The following HTR4 variants were observed in gnomAD, a reference collection of about 807,000 sequenced individuals.
HTR4 encodes 5-hydroxytryptamine (serotonin) receptor 4, G protein-coupled.
In HTR4, 16 loss-of-function variants were observed where a neutral mutation model predicts 36.8. The ratio of observed to expected loss-of-function variants is 0.43; its 90% confidence interval spans 0.29 to 0.66. HTR4 has a LOEUF of 0.66. Ranked by LOEUF, HTR4 falls within the 30% of genes least tolerant of loss-of-function variation. The pLI, the probability that HTR4 is intolerant of heterozygous loss-of-function variation, is 0.13. For missense variants in HTR4, 438 were observed against 490.9 expected (o/e 0.89, Z 1.02); for synonymous variants, 189 against 185.1 (o/e 1.02, Z -0.17).
At chr5:148,606,108 T>G (rs1752151930) in intron 2 of HTR4, among the ~76,000 whole-genome samples, 1 of 152,192 alleles carries the variant, frequency 6.6e-6, no homozygotes, top group Non-Finnish European at 1.5e-5. Context: ...ACTAACAGAT[T>G]AATTTGGAAT....
intron 2 of HTR4, among the ~76,000 whole-genome samples, chr5:148,565,836 G>A (rs2113873096): frequency 6.6e-6 from 1 of 152,260 alleles, no homozygotes; most frequent in South Asian, 2.1e-4. Flanking sequence ...CTGGTTACTA[G>A]TCATCTCTAG....
intron 4 of HTR4, among the ~76,000 whole-genome samples, chr5:148,540,446 A>G (rs1349327059): frequency 9.3e-6 from 1 of 107,556 alleles, no homozygotes; most frequent in Non-Finnish European, 2.0e-5. Context: ...ATATATATAT[A>G]TAATCTTATA....
chr5:148,653,636 A>C (rs1300459766), intron 1 of HTR4, among the ~76,000 whole-genome samples: 1 of 150,666 alleles, frequency 6.6e-6, no homozygotes, highest in East Asian at 2.0e-4. Flanking sequence ...CACACAGCAC[A>C]CTCTGGGCTG....
intron 2 of HTR4, among the ~76,000 whole-genome samples, chr5:148,593,336 T>C (rs1445389033): frequency 6.6e-6 from 1 of 152,162 alleles, no homozygotes. Context: ...TCAATGACAG[T>C]AGTATAAATT....
intron 2 of HTR4, among the ~76,000 whole-genome samples, chr5:148,632,306 T>C (rs990333127): frequency 2.6e-5 from 4 of 152,180 alleles, no homozygotes; most frequent in Admixed American, 2.6e-4. Flanking sequence ...GGGCGGAAAA[T>C]GCTACCATTT....
chr5:148,493,486 T>A (rs1296181332), intron 6 of HTR4, among the ~76,000 whole-genome samples: 1 of 152,228 alleles, frequency 6.6e-6, no homozygotes, highest in Non-Finnish European at 1.5e-5. Context: ...TTTATTTACA[T>A]TCGAAGTTGG....
intron 1 of HTR4, among the ~76,000 whole-genome samples, chr5:148,648,316 T>C (rs970912749): frequency 3.3e-5 from 5 of 151,552 alleles, no homozygotes; most frequent in Non-Finnish European, 7.4e-5. Context: ...AATCTGTGAG[T>C]TAGAGTCGTG....
chr5:148,502,199 C>A (rs772899731), intron 6 of HTR4, among the ~76,000 whole-genome samples: 10 of 152,214 alleles, frequency 6.6e-5, no homozygotes, highest in Non-Finnish European at 1.3e-4. Flanking sequence ...AGACTGCCTC[C>A]TCAAGTGGGT....
At chr5:148,607,396 C>T (rs960022984) in intron 2 of HTR4, among the ~76,000 whole-genome samples, 1 of 152,172 alleles carries the variant, frequency 6.6e-6, no homozygotes, top group Non-Finnish European at 1.5e-5. Context: ...ATTCGGGCAG[C>T]AGTGATGCAT....
chr5:148,481,535 C>CTT, downstream of HTR4: 5 of 1,427,854 alleles, frequency 3.5e-6, no homozygotes, highest in Non-Finnish European at 4.7e-6. Flanking sequence ...GACAGAGAGG[C>CTT]TTTTTTTTTT....
chr5:148,464,337 C>G (rs1341099162), intron 5 of HTR4, among the ~76,000 whole-genome samples: 1 of 152,040 alleles, frequency 6.6e-6, no homozygotes, highest in African/African-American at 2.4e-5. Context: ...AAAGACATAC[C>G]TGATACCAAA....
intron 2 of HTR4, among the ~76,000 whole-genome samples, chr5:148,607,791 C>G (rs908479572): frequency 6.6e-6 from 1 of 152,150 alleles, no homozygotes; most frequent in African/African-American, 2.4e-5. Context: ...ATAGTTGGAG[C>G]CTAAAACATA....
At chr5:148,651,738 CAAT>C (rs1363028107) in intron 1 of HTR4, among the ~76,000 whole-genome samples, 1 of 147,180 alleles carries the variant, frequency 6.8e-6, no homozygotes, top group African/African-American at 2.7e-5. Flanking sequence ...TAAAAATATT[CAAT>C]AATAATATTG....
chr5:148,576,697 C>T (rs1014333149), intron 2 of HTR4, among the ~76,000 whole-genome samples: 3 of 152,058 alleles, frequency 2.0e-5, no homozygotes, highest in African/African-American at 7.2e-5. Context: ...TTTGACAAAG[C>T]TGACAAAAAT....
chr5:148,513,044 C>T (rs937535243), intron 5 of HTR4, among the ~76,000 whole-genome samples: 1 of 151,766 alleles, frequency 6.6e-6, no homozygotes, highest in Non-Finnish European at 1.5e-5. Flanking sequence ...GTCACCCAGG[C>T]TGGAGTGCAG....
At chr5:148,529,316 T>C (rs1758438605) in intron 4 of HTR4, among the ~76,000 whole-genome samples, 1 of 152,142 alleles carries the variant, frequency 6.6e-6, no homozygotes, top group South Asian at 2.1e-4. Context: ...TCATCTTGGA[T>C]TGTGGCTCCC....
At chr5:148,489,215 T>C (rs1425529889) in intron 6 of HTR4, among the ~76,000 whole-genome samples, 2 of 152,228 alleles carry the variant, frequency 1.3e-5, no homozygotes, top group Non-Finnish European at 2.9e-5. Flanking sequence ...GATTATTTCA[T>C]ATAAACTTCA....
At chr5:148,494,051 TG>T (rs1208154909) in intron 6 of HTR4, among the ~76,000 whole-genome samples, 1 of 152,238 alleles carries the variant, frequency 6.6e-6, no homozygotes, top group Non-Finnish European at 1.5e-5. Flanking sequence ...ATTCACAGTG[TG>T]AAAACCTTTA....
chr5:148,552,170 G>A (rs1461812073), intron 2 of HTR4, among the ~76,000 whole-genome samples: 2 of 152,336 alleles, frequency 1.3e-5, no homozygotes, highest in South Asian at 2.1e-4. Flanking sequence ...TGAGGAACCA[G>A]TCTGGCAGCA....
Sources: allele counts gnomAD v4.1 joint callset (sites outside exome capture counted in the v4.1 genomes callset), GRCh38; gene constraint gnomAD v4.1.1; transcripts MANE v1.5; gene names NCBI Gene and HGNC (gene_info 2026-07-23, HGNC 2026-07-21).